PALD1: variants seen among roughly 807,000 people sequenced by gnomAD.
The protein encoded by PALD1 is phosphatase domain containing paladin 1.
PALD1 carries 57 observed loss-of-function variants against 96.0 expected under a neutral mutation model. The ratio of observed to expected loss-of-function variants is 0.59; its 90% CI spans 0.48 to 0.74. The LOEUF (loss-of-function observed/expected upper bound fraction) is 0.74. Among genes scored for constraint, PALD1 ranks in the 30% least tolerant of loss-of-function variants. The pLI is 0.00. For synonymous variants in PALD1, 464 were observed against 473.6 expected (o/e 0.98, Z 0.26); for missense variants, 1,063 against 1,143.7 (o/e 0.93, Z 1.02).
chr10:70,508,467 C>T (rs1830463251), intron 1 of PALD1, among the ~76,000 whole-genome samples: 1 of 152,258 alleles, frequency 6.6e-6, no homozygotes, highest in African/African-American at 2.4e-5. Flanking sequence ...TCCTGGACTG[C>T]CACATGCTGC....
chr10:70,526,689 C>T (rs559199698), intron 2 of PALD1, among the ~76,000 whole-genome samples: 2 of 152,210 alleles, frequency 1.3e-5, no homozygotes, highest in African/African-American at 2.4e-5. Flanking sequence ...TCCCTGAAAC[C>T]CTGTCTGCCC....
chr10:70,536,187 G>C (rs1847112592), intron 10 of PALD1, among the ~76,000 whole-genome samples: 1 of 152,152 alleles, frequency 6.6e-6, no homozygotes. Flanking sequence ...AGTAGTACCA[G>C]CTATCAGGGA....
At position 70,534,953 on chromosome 10, in the gene PALD1, C is replaced by T. The variant is rs553769686; in HGVS notation, c.1227+110C>T. The T allele has an allele frequency of 2.4e-3, 1,776 of 752,332 alleles. 6 individuals carry two copies. Among genetic ancestry groups the T allele is most frequent in the Non-Finnish European group, 3.6e-3 (1,565 of 430,262 alleles). 46.6% of individuals were successfully genotyped at this position (752,332 alleles called of 1,614,324 possible). A position where few individuals can be genotyped will look rare whatever the true frequency, so the allele number is the denominator to read the frequency against. On this transcript the variant is annotated intron_variant, in intron 10 of 19. Coordinates refer to ENST00000263563, the MANE Select transcript of PALD1 (RefSeq NM_014431.3). ...TCAGACTGACTTTTTCTGGCTGCTG[C>T]GTCTCCCATGAGAAGAGCAGTTTTC...
In PALD1 at chr10:70,516,332, C is replaced by A. The variant is rs902680306; in HGVS notation, c.-29-9591C>A. On this transcript the variant is annotated intron_variant, in intron 1 of 19. Transcript: ENST00000263563. ...TTTTTATAAAAAAGGCACAGTTTTT[C>A]CATGTTGGTCAGGCTGGTCTTGAAT... Among the ~76,000 whole-genome samples, 57 of 152,210 alleles carry A rather than the reference C, an allele frequency of 3.7e-4. 1 individual carries two copies. The highest frequency in any genetic ancestry group is 1.3e-3 in the African/African-American group (55 of 41,524).
At chr10:70,536,336 A>G (rs549117360) in intron 10 of PALD1, among the ~76,000 whole-genome samples, 13 of 151,650 alleles carry the variant, frequency 8.6e-5, no homozygotes, top group Non-Finnish European at 1.8e-4. Flanking sequence ...ACCAAAAAAA[A>G]TCCCATACAG....
chr10:70,492,132 G>T (rs1846108896), intron 1 of PALD1, among the ~76,000 whole-genome samples: 1 of 152,138 alleles, frequency 6.6e-6, no homozygotes, highest in Admixed American at 6.5e-5. Flanking sequence ...GGATTGCTTG[G>T]TCATATGGTA....
At chr10:70,544,252 AG>A (rs1288966600) in intron 17 of PALD1, among the ~76,000 whole-genome samples, 1 of 151,830 alleles carries the variant, frequency 6.6e-6, no homozygotes, top group African/African-American at 2.4e-5. Flanking sequence ...GAGTGTCTGG[AG>A]GGATCAAGTG....
chr10:70,501,821 G>GTA (rs1217593683), intron 1 of PALD1, among the ~76,000 whole-genome samples: 73 of 143,238 alleles, frequency 5.1e-4, no homozygotes, highest in Non-Finnish European at 1.0e-3. Context: ...CTCTGTGTGT[G>GTA]TGTGTGTGTG....
intron 1 of PALD1, among the ~76,000 whole-genome samples, chr10:70,489,577 G>A (rs1846068647): frequency 6.6e-6 from 1 of 152,104 alleles, no homozygotes; most frequent in South Asian, 2.1e-4. Flanking sequence ...GACCTGGCAG[G>A]GAGCTCTGCA....
chr10:70,542,778 G>A (rs1340374946), intron 17 of PALD1, among the ~76,000 whole-genome samples: 1 of 151,944 alleles, frequency 6.6e-6, no homozygotes, highest in African/African-American at 2.4e-5. Flanking sequence ...AGTTCTTTTG[G>A]GCATATACTC....
chr10:70,561,336 G>T, intron 18 of PALD1, among the ~76,000 whole-genome samples: 1 of 152,236 alleles, frequency 6.6e-6, no homozygotes, highest in East Asian at 1.9e-4. Flanking sequence ...CTCTTGCCCG[G>T]TGGAACTGTG....
intron 1 of PALD1, among the ~76,000 whole-genome samples, chr10:70,519,448 G>C (rs1385529265): frequency 6.6e-6 from 1 of 151,974 alleles, no homozygotes; most frequent in Non-Finnish European, 1.5e-5. Flanking sequence ...AGCTCTCTGG[G>C]GTCCCTATTA....
At chr10:70,556,287 T>TCC (rs770814027) in intron 18 of PALD1, among the ~76,000 whole-genome samples, 8 of 146,488 alleles carry the variant, frequency 5.5e-5, no homozygotes, top group African/African-American at 1.6e-4. Flanking sequence ...GACCTCTCTC[T>TCC]CTCTCTCTCT....
the PALD1 span, among the ~76,000 whole-genome samples, chr10:70,470,603 AT>A: frequency 1.4e-5 from 2 of 147,998 alleles, no homozygotes; most frequent in African/African-American, 4.9e-5. Flanking sequence ...AAATAATATT[AT>A]TTTTTATTAT....
intron 18 of PALD1, among the ~76,000 whole-genome samples, chr10:70,551,952 C>T (rs918571865): frequency 1.3e-5 from 2 of 152,192 alleles, no homozygotes; most frequent in Non-Finnish European, 2.9e-5. Flanking sequence ...TTACTTTTGC[C>T]CGTTTCCTTC....
chr10:70,548,784 G>C (rs1441440290), intron 18 of PALD1, among the ~76,000 whole-genome samples: 3 of 152,232 alleles, frequency 2.0e-5, no homozygotes, highest in Admixed American at 6.5e-5. Context: ...CCCAGCTTTT[G>C]CTCAGGGTCA....
intron 1 of PALD1, among the ~76,000 whole-genome samples, chr10:70,505,408 C>T (rs566525653): frequency 2.0e-5 from 3 of 151,882 alleles, no homozygotes; most frequent in Admixed American, 6.6e-5. Flanking sequence ...CTAGCCTGTT[C>T]GAGACCAACA....
chr10:70,465,846 C>T, the PALD1 span, among the ~76,000 whole-genome samples: 2 of 152,302 alleles, frequency 1.3e-5, no homozygotes, highest in African/African-American at 4.8e-5. Flanking sequence ...TGCTTTGAAC[C>T]CCTGCCAGGG....
chr10:70,460,078 G>A, the PALD1 span, among the ~76,000 whole-genome samples: 1 of 152,218 alleles, frequency 6.6e-6, no homozygotes, highest in Admixed American at 6.5e-5. Flanking sequence ...AGCAGCCTTT[G>A]ACACGATTGA....
Sources: gnomAD v4.1 joint callset for allele counts (sites outside exome capture counted in the v4.1 genomes callset) on GRCh38, gnomAD v4.1.1 for gene constraint, MANE v1.5 for transcripts, NCBI Gene and HGNC (gene_info 2026-07-23, HGNC 2026-07-21) for gene names.